The following LATS1 variants were observed in gnomAD, a reference collection of about 807,000 sequenced individuals.
LATS1 encodes the protein serine/threonine-protein kinase LATS1.
A neutral mutation model predicts 106.6 loss-of-function variants in LATS1; 25 were observed. That is an observed-to-expected ratio of 0.23 (90% CI 0.17 to 0.33). The LOEUF is 0.33. Among genes scored for constraint, LATS1 ranks in the 10% least tolerant of loss-of-function variants. LATS1 has a pLI of 1.00. For synonymous variants in LATS1, 465 were observed against 455.6 expected (o/e 1.02, Z -0.26); for missense variants, 1,040 against 1,382.6 (o/e 0.75, Z 3.93).
intron 1 of LATS1, among the ~76,000 whole-genome samples, chr6:149,702,527 T>A (rs1171707533): frequency 6.6e-6 from 1 of 151,974 alleles, no homozygotes; most frequent in Non-Finnish European, 1.5e-5. Context: ...CAAGCATTTA[T>A]ACAAATGCCA....
At position 149,680,124 on chromosome 6, in the gene LATS1, T is replaced by C; in HGVS notation, c.2344A>G (p.Met782Val). ...FQDKDNLYFV[M>V]DYIPGGDMMS... is the part of the protein sequence containing the mutation. ...ATATCACCCCCAGGAATGTAGTCCA[T>C]TACAAAGTATAAATTGTCCTTATCT... The change falls in exon 5 of 8, where the codon ATG (methionine) becomes GTG (valine). Residue 782 changes from methionine to valine, a missense_variant. Around this residue, in one of 7 missense-constraint regions of LATS1, gnomAD observed 167 missense variants for 332.1 expected, o/e 0.50. Coordinates refer to ENST00000543571, the MANE Select transcript of LATS1 (RefSeq NM_004690.4). 6.2e-7 allele frequency: 1 copy of C among 1,613,696 alleles called. No homozygotes were observed. Among genetic ancestry groups the C allele is most frequent in the Non-Finnish European group, 8.5e-7 (1 of 1,179,740 alleles).
chr6:149,671,458 G>A (rs568191677), intron 7 of LATS1, among the ~76,000 whole-genome samples: 3 of 151,926 alleles, frequency 2.0e-5, no homozygotes, highest in African/African-American at 7.3e-5. Context: ...TTTGTATACG[G>A]CTGACCAGTT....
intron 7 of LATS1, chr6:149,675,948 C>G: frequency 3.6e-6 from 1 of 275,276 alleles, no homozygotes; most frequent in Non-Finnish European, 7.0e-6. Context: ...ATCATGGAGA[C>G]TGGAGTTCAC....
At chr6:149,715,189 CT>C (rs1305438105) in intron 1 of LATS1, among the ~76,000 whole-genome samples, 17 of 152,046 alleles carry the variant, frequency 1.1e-4, no homozygotes, top group Admixed American at 1.1e-3. Flanking sequence ...CTGCCTCAGC[CT>C]TACAAGTAGC....
intron 3 of LATS1, among the ~76,000 whole-genome samples, chr6:149,685,290 T>C (rs977070144): frequency 1.3e-5 from 2 of 152,188 alleles, no homozygotes; most frequent in African/African-American, 4.8e-5. Flanking sequence ...TATATGCATG[T>C]ATATTTGTAG....
rs2114672551 is a variant in LATS1 at position 149,660,507 on chromosome 6, C to T, written c.*1222G>A. On this transcript the variant is annotated 3_prime_UTR_variant, in exon 8 of 8. Coordinates refer to ENST00000543571, the MANE Select transcript of LATS1 (RefSeq NM_004690.4). The stretch of plus-strand genomic sequence containing the variant: ...GAGCTTAAGAAAAGGAAATAAAACA[C>T]AACACAAATTTTACTATGGTCAAAA... The T allele has an allele frequency of 4.3e-6, 1 of 233,000 alleles. No homozygotes were observed. The highest frequency in any genetic ancestry group is 6.1e-5 in the East Asian group (1 of 16,508). The allele number at this position is 233,000 out of a possible 1,614,324, so 14.4% of individuals were successfully genotyped here. A position where few individuals can be genotyped will look rare whatever the true frequency, so the allele number is the denominator to read the frequency against.
chr6:149,688,194 T>C (rs1205276037), intron 3 of LATS1, among the ~76,000 whole-genome samples: 3 of 152,036 alleles, frequency 2.0e-5, no homozygotes, highest in African/African-American at 7.2e-5. Context: ...TCTTTCTTTA[T>C]GACACATTTT....
chr6:149,684,734 G>A, intron 3 of LATS1, 142 bp from the exon 4 acceptor site: 1 of 607,850 alleles, frequency 1.6e-6, no homozygotes, highest in Non-Finnish European at 2.7e-6. Context: ...AAGTTCAAGT[G>A]ATCTCTTGTA....
rs145877691 is a variant in LATS1 at position 149,662,474 on chromosome 6, A to G, written c.2884-236T>C. On this transcript the variant is annotated intron_variant, in intron 7 of 7. Transcript: ENST00000543571. ...TAGTAAACCTTTTGGCCTATGGTAG[A>G]AGTGACTACTTCTACTCTGCCTCCC... Among the ~76,000 whole-genome samples, 247 of 152,244 alleles carry G rather than the reference A, an allele frequency of 1.6e-3. 1 individual carries two copies. Among genetic ancestry groups the G allele is most frequent in the African/African-American group, 5.6e-3 (233 of 41,552 alleles).
intron 2 of LATS1, among the ~76,000 whole-genome samples, chr6:149,699,057 T>TA (rs1783283976): frequency 9.0e-6 from 1 of 111,444 alleles, no homozygotes. Context: ...AAACACATTC[T>TA]CAAAAAAAAA....
chr6:149,680,185 G>T lies in LATS1; in HGVS notation c.2283C>A (p.Asp761Glu), dbSNP rs778002422. 2.5e-6 allele frequency: 4 copies of T among 1,614,048 alleles called. No homozygotes were observed. The highest frequency in any genetic ancestry group is 3.4e-6 in the Non-Finnish European group (4 of 1,179,966). Residue 761 changes from aspartate to glutamate, a missense_variant, in exon 5 of 8, where the codon GAC becomes GAA. This residue lies in a region of LATS1 where 167 missense variants were observed against 332.1 expected (regional missense o/e 0.50). Coordinates refer to ENST00000543571, the MANE Select transcript of LATS1 (RefSeq NM_004690.4). ...AATATAGACGAACTACCCATTCATT[G>T]TCAGCTTCAGCCAGGATATCTCTCT... ...KAERDILAEA[D>E]NEWVVRLYYS...
intron 1 of LATS1, among the ~76,000 whole-genome samples, chr6:149,715,964 C>T (rs922979085): frequency 5.9e-5 from 9 of 152,158 alleles, no homozygotes; most frequent in African/African-American, 1.9e-4. Flanking sequence ...ATGTCACCTA[C>T]CTACCCCATA....
chr6:149,715,162 G>A (rs1784316196), intron 1 of LATS1, among the ~76,000 whole-genome samples: 2 of 151,930 alleles, frequency 1.3e-5, no homozygotes, highest in African/African-American at 2.4e-5. Flanking sequence ...TCCGTCTCTC[G>A]GGTTCAAGTG....
intron 5 of LATS1, among the ~76,000 whole-genome samples, chr6:149,677,181 C>T (rs1781767435): frequency 6.6e-6 from 1 of 151,932 alleles, no homozygotes; most frequent in Non-Finnish European, 1.5e-5. Context: ...AGTGACATAC[C>T]CTACACAGAG....
chr6:149,663,868 C>T (rs561162433), intron 7 of LATS1, among the ~76,000 whole-genome samples: 2 of 150,166 alleles, frequency 1.3e-5, no homozygotes, highest in African/African-American at 2.5e-5. Flanking sequence ...AGTGCAGTGG[C>T]GTGATCTCGG....
At chr6:149,692,958 G>A (rs1469280576) in intron 3 of LATS1, among the ~76,000 whole-genome samples, 3 of 151,804 alleles carry the variant, frequency 2.0e-5, no homozygotes, top group Non-Finnish European at 2.9e-5. Flanking sequence ...ACAGGCATAA[G>A]CCACTGCACC....
chr6:149,662,844 T>C (rs565616587), intron 7 of LATS1, among the ~76,000 whole-genome samples: 1 of 151,566 alleles, frequency 6.6e-6, no homozygotes, highest in Non-Finnish European at 1.5e-5. Context: ...CATGCATCTG[T>C]AGTCCTAGCT....
intron 1 of LATS1, among the ~76,000 whole-genome samples, chr6:149,714,023 A>T (rs1032962282): frequency 1.3e-5 from 2 of 150,136 alleles, no homozygotes; most frequent in African/African-American, 4.9e-5. Context: ...CTCAGGCTGG[A>T]GTGCAGTGTC....
At chr6:149,680,907 CTCA>C (rs1782002177) in intron 4 of LATS1, among the ~76,000 whole-genome samples, 1 of 152,084 alleles carries the variant, frequency 6.6e-6, no homozygotes, top group African/African-American at 2.4e-5. Context: ...CCACTCCAGG[CTCA>C]TTTATTCTAA....
Sources: allele counts gnomAD v4.1 joint callset (sites outside exome capture counted in the v4.1 genomes callset), GRCh38; gene constraint gnomAD v4.1.1; regional missense constraint gnomAD v4.1.1; transcripts MANE v1.5; gene names NCBI Gene and HGNC (gene_info 2026-07-23, HGNC 2026-07-21).